The following INPP5A variants were observed in gnomAD, a reference collection of about 807,000 sequenced individuals.
INPP5A encodes 43 kDa inositol polyphosphate 5-phophatase.
A neutral mutation model predicts 65.2 loss-of-function variants in INPP5A; 14 were observed. The ratio of observed to expected loss-of-function variants is 0.21; its 90% confidence interval spans 0.14 to 0.34. The LOEUF (loss-of-function observed/expected upper bound fraction) is 0.34, where lower values mean the gene tolerates loss of function less well. Ranked by LOEUF, INPP5A falls within the 10% of genes least tolerant of loss-of-function variation. The pLI, the probability that INPP5A is intolerant of heterozygous loss-of-function variation, is 1.00. For synonymous variants in INPP5A, 207 were observed against 208.3 expected, an observed-to-expected ratio of 0.99 and a Z score of 0.05; for missense variants, 431 against 545.6, an observed-to-expected ratio of 0.79 and a Z score of 2.09.
intron 9 of INPP5A, among the ~76,000 whole-genome samples, chr10:132,733,912 G>A (rs553083198): frequency 2.0e-5 from 3 of 152,366 alleles, no homozygotes; most frequent in African/African-American, 7.2e-5. Flanking sequence ...ACTGACAGGA[G>A]TGCCTGGGAG....
chr10:132,640,407 T>A (rs1411128073), intron 2 of INPP5A, among the ~76,000 whole-genome samples: 1 of 152,248 alleles, frequency 6.6e-6, no homozygotes, highest in African/African-American at 2.4e-5. Flanking sequence ...ACCGTCCGGC[T>A]AGCCTGGGTT....
At chr10:132,591,876 C>A (rs1394997844) in intron 1 of INPP5A, among the ~76,000 whole-genome samples, 5 of 152,198 alleles carry the variant, frequency 3.3e-5, no homozygotes. Context: ...GCGTAACGGG[C>A]GCCCTTGCTG....
intron 1 of INPP5A, among the ~76,000 whole-genome samples, chr10:132,573,367 T>C (rs539762639): frequency 1.6e-4 from 22 of 137,126 alleles, no homozygotes; most frequent in African/African-American, 2.6e-4. Flanking sequence ...TTGAGGTGTG[T>C]GTGCCGTGTG....
intron 8 of INPP5A, among the ~76,000 whole-genome samples, chr10:132,726,465 G>A (rs1321810628): frequency 6.6e-6 from 1 of 152,148 alleles, no homozygotes; most frequent in African/African-American, 2.4e-5. Context: ...AGGCATCCTT[G>A]TCCGGCCCTT....
rs139470237 is a variant in INPP5A, at chr10:132,612,640, AG to A, written c.117+4685del. Reference sequence around the variant, plus strand: ...CCTGCTGGTTTTGCTGATCTGGGACAGTGGCGCTGGCTGGAGGGGCCCTTGC... The same window carrying A: ...CCTGCTGGTTTTGCTGATCTGGGACATGGCGCTGGCTGGAGGGGCCCTTGC... On this transcript the variant is annotated intron_variant, in intron 2 of 15. Transcript: ENST00000368594. 6.5e-3 allele frequency among the ~76,000 whole-genome samples: 985 copies of A among 152,258 alleles called. 8 individuals are homozygous for A. Among genetic ancestry groups the A allele is most frequent in the African/African-American group, 0.022 (932 of 41,534 alleles).
At chr10:132,700,249 C>T (rs974777918) in intron 6 of INPP5A, among the ~76,000 whole-genome samples, 4 of 152,250 alleles carry the variant, frequency 2.6e-5, no homozygotes, top group African/African-American at 7.2e-5. Context: ...ACCCGTCTCT[C>T]CCCTGGGAAA....
intron 1 of INPP5A, among the ~76,000 whole-genome samples, chr10:132,598,787 T>C (rs4271316): frequency 0.65 from 98,334 of 152,070 alleles, 32,464 homozygotes; most frequent in African/African-American, 0.78. Context: ...ATTGGACTTA[T>C]AGTTCCGCAT....
chr10:132,558,472 G>A (rs1457131547), intron 1 of INPP5A, among the ~76,000 whole-genome samples: 1 of 152,224 alleles, frequency 6.6e-6, no homozygotes, highest in African/African-American at 2.4e-5. Flanking sequence ...CTCCTGTGCA[G>A]TAGAGACCGG....
chr10:132,752,861 G>C (rs1014945654), intron 11 of INPP5A, among the ~76,000 whole-genome samples: 3 of 152,148 alleles, frequency 2.0e-5, no homozygotes, highest in African/African-American at 7.2e-5. Context: ...CCTACCTTTA[G>C]AGGAAAATTA....
chr10:132,691,629 A>G (rs537597381), intron 5 of INPP5A, among the ~76,000 whole-genome samples: 5 of 152,212 alleles, frequency 3.3e-5, no homozygotes, highest in Non-Finnish European at 5.9e-5. Context: ...GTGTATTTAA[A>G]ACTATACATG....
rs553540586 is a variant in INPP5A, at chr10:132,749,489, A to T, written c.733-28A>T. 7 of 1,607,764 alleles carry T rather than the reference A, an allele frequency of 4.4e-6. No individual in the cohort carries two copies. In the South Asian group the frequency reaches 5.5e-5, roughly 13 times the overall value. On this transcript the variant is annotated intron_variant, in intron 9 of 15. Transcript: ENST00000368594. Reference sequence around the variant, plus strand: ...CCATGGGCAGGTGGGCCCCCCTGGGACTTATCTCCGTTGCTGTCTTTCTGC... The same window carrying T: ...CCATGGGCAGGTGGGCCCCCCTGGGTCTTATCTCCGTTGCTGTCTTTCTGC...
At chr10:132,635,813 A>G (rs2072342041) in intron 2 of INPP5A, among the ~76,000 whole-genome samples, 1 of 151,944 alleles carries the variant, frequency 6.6e-6, no homozygotes, top group Non-Finnish European at 1.5e-5. Flanking sequence ...AAGATTTAAA[A>G]AAAAAAAAAA....
At chr10:132,728,422 C>A (rs927221364) in intron 9 of INPP5A, among the ~76,000 whole-genome samples, 1 of 152,248 alleles carries the variant, frequency 6.6e-6, no homozygotes, top group East Asian at 1.9e-4. Flanking sequence ...CATGTCCCCG[C>A]GTCCGAGGCT....
intron 1 of INPP5A, among the ~76,000 whole-genome samples, chr10:132,565,661 G>A (rs1323941757): frequency 1.3e-5 from 2 of 152,052 alleles, no homozygotes; most frequent in East Asian, 3.8e-4. Flanking sequence ...GTGTGTATGT[G>A]GGTCTATGTG....
chr10:132,667,916 G>A (rs1012322666), intron 4 of INPP5A, among the ~76,000 whole-genome samples: 3 of 152,210 alleles, frequency 2.0e-5, no homozygotes, highest in East Asian at 1.9e-4. Context: ...TTCATTCGCC[G>A]CCATGCACCA....
rs530227563 is a variant in INPP5A at position 132,571,650 on chromosome 10, C to T, written c.75+33479C>T. ...GGTATGTCAGCCCTGACGTTTGTGCCGTAAGGACCCGGAGTGTCTGCAGGC... is the reference window on the plus strand; with the variant it reads ...GGTATGTCAGCCCTGACGTTTGTGCTGTAAGGACCCGGAGTGTCTGCAGGC... On this transcript the variant is annotated intron_variant, in intron 1 of 15. Transcript: ENST00000368594. 6.6e-5 allele frequency among the ~76,000 whole-genome samples: 10 copies of T among 152,312 alleles called. No individual in the cohort carries two copies. The South Asian group carries it at 1.4e-3, about 22-fold the overall frequency.
chr10:132,611,639 A>T (rs1341968626), intron 2 of INPP5A, among the ~76,000 whole-genome samples: 42 of 47,480 alleles, frequency 8.8e-4, no homozygotes, highest in Admixed American at 1.0e-3. Context: ...GGGGAGGGTG[A>T]GGGAGGTGAG....
rs558363947 is a variant in INPP5A at position 132,678,005 on chromosome 10, C to A, written c.307-12387C>A. Among the ~76,000 whole-genome samples, 1 of 152,242 alleles carries A rather than the reference C, an allele frequency of 6.6e-6. No individual in the cohort carries two copies. The highest frequency in any genetic ancestry group is 1.5e-5 in the Non-Finnish European group (1 of 68,044). On this transcript the variant is annotated intron_variant, in intron 4 of 15. Coordinates refer to ENST00000368594, the MANE Select transcript of INPP5A (RefSeq NM_005539.5). This position sits in a 1 kb window ranked among gnomAD's most constrained non-coding sequence, Gnocchi z 4.1. ...TCGAACAGGAGGCAGAATGAGATTA[C>A]GTGTGCATCTCTCCCGCCAGCAGCC...
At chr10:132,656,770 G>T (rs2072662161) in intron 4 of INPP5A, among the ~76,000 whole-genome samples, 1 of 152,224 alleles carries the variant, frequency 6.6e-6, no homozygotes, top group Non-Finnish European at 1.5e-5. Context: ...ACAGTTTGGA[G>T]GGGCCCAGGG....
Sources: allele counts gnomAD v4.1 joint callset (sites outside exome capture counted in the v4.1 genomes callset), GRCh38; gene constraint gnomAD v4.1.1; non-coding constraint Gnocchi (gnomAD v3.1); transcripts MANE v1.5; gene names NCBI Gene and HGNC (gene_info 2026-07-23, HGNC 2026-07-21).